Variants in FSHR observed in about 807,000 individuals in gnomAD.
The protein encoded by FSHR is follicle-stimulating hormone receptor.
Under a neutral mutation model 52.1 loss-of-function variants are expected in FSHR, and 46 were observed. The observed-to-expected ratio is 0.88, with a 90% CI of 0.70 to 1.13. FSHR has a LOEUF of 1.13. Ranked by LOEUF, FSHR falls within the 50% of genes most tolerant of loss-of-function variation. The pLI, the probability that FSHR is intolerant of heterozygous loss-of-function variation, is 0.00. For missense variants in FSHR, 964 were observed against 834.6 expected (o/e 1.16, Z -1.91); for synonymous variants, 399 against 309.6 (o/e 1.29, Z -3.03).
At chr2:48,982,408 T>C (rs1371900639) in intron 8 of FSHR, among the ~76,000 whole-genome samples, 1 of 152,166 alleles carries the variant, frequency 6.6e-6, no homozygotes, top group African/African-American at 2.4e-5. Context: ...TAGGTCTCAT[T>C]GGGTTGAAGG....
chr2:49,084,203 G>T (rs1317266313), intron 1 of FSHR, among the ~76,000 whole-genome samples: 3 of 150,984 alleles, frequency 2.0e-5, no homozygotes, highest in Non-Finnish European at 4.4e-5. Context: ...ACTCAAAACC[G>T]CTCAACTACA....
chr2:49,091,124 C>T, intron 1 of FSHR, among the ~76,000 whole-genome samples: 1 of 139,706 alleles, frequency 7.2e-6, no homozygotes, highest in East Asian at 2.5e-4. Context: ...CGATGAAGTC[C>T]AACTTACCAT....
intron 1 of FSHR, among the ~76,000 whole-genome samples, chr2:49,152,684 G>C (rs1263968982): frequency 6.6e-6 from 1 of 152,128 alleles, no homozygotes. Flanking sequence ...GGATGACACT[G>C]CTTGACCCAC....
At chr2:49,053,282 C>T (rs1281286734) in intron 2 of FSHR, among the ~76,000 whole-genome samples, 1 of 152,146 alleles carries the variant, frequency 6.6e-6, no homozygotes, top group Non-Finnish European at 1.5e-5. Flanking sequence ...TCATCATGCT[C>T]CTATTTCCAA....
intron 4 of FSHR, among the ~76,000 whole-genome samples, chr2:49,014,064 G>T (rs980915133): frequency 3.3e-5 from 5 of 152,226 alleles, no homozygotes; most frequent in South Asian, 4.1e-4. Flanking sequence ...CTGGCATCCT[G>T]ATCTTGGGCT....
chr2:49,052,729 G>T (rs771634514), intron 2 of FSHR, among the ~76,000 whole-genome samples: 2 of 152,010 alleles, frequency 1.3e-5, no homozygotes, highest in African/African-American at 2.4e-5. Context: ...TCTCCTTTTC[G>T]CTTTGAGTAA....
At chr2:49,088,192 T>C (rs1446321668) in intron 1 of FSHR, among the ~76,000 whole-genome samples, 1 of 152,138 alleles carries the variant, frequency 6.6e-6, no homozygotes, top group Non-Finnish European at 1.5e-5. Context: ...GTGTATGTGG[T>C]GCAGAGGGAT....
intron 4 of FSHR, among the ~76,000 whole-genome samples, chr2:49,003,581 G>T (rs550497652): frequency 6.6e-6 from 1 of 151,990 alleles, no homozygotes; most frequent in Non-Finnish European, 1.5e-5. Flanking sequence ...AAGAATACAC[G>T]TTATGAAAGA....
chr2:49,083,412 G>A lies in FSHR; in HGVS notation c.153-15122C>T, dbSNP rs539076374. 5.8e-3 allele frequency among the ~76,000 whole-genome samples: 884 copies of A among 151,490 alleles called. 8 individuals carry two copies. Among genetic ancestry groups the A allele is most frequent in the African/African-American group, 0.021 (850 of 41,206 alleles). On this transcript the variant is annotated intron_variant, in intron 1 of 9. Transcript: ENST00000406846. Reference sequence around the variant, plus strand: ...AATCATGCCAAATGTAAAGACCATCGAGACTAGGAAGAAACTGCATCAACT... The same window carrying A: ...AATCATGCCAAATGTAAAGACCATCAAGACTAGGAAGAAACTGCATCAACT...
At chr2:48,977,172 A>G (rs1264268744) in intron 8 of FSHR, among the ~76,000 whole-genome samples, 1 of 152,168 alleles carries the variant, frequency 6.6e-6, no homozygotes, top group African/African-American at 2.4e-5. Context: ...CTTGACTAAT[A>G]CAATGACTAT....
In FSHR at chr2:48,988,555, T is replaced by C. The variant is rs187383024; in HGVS notation, c.524+422A>G. Among the ~76,000 whole-genome samples the C allele has an allele frequency of 6.2e-4, 94 of 152,362 alleles. No individual in the cohort carries two copies. The East Asian group carries it at 0.015, about 24-fold the overall frequency. ...TTCAAGAAAATGAGAAGTCATCCTA[T>C]GCTCAGCATGGGCCTGAACAGGAAC... is the stretch of plus-strand genomic sequence containing the variant. On this transcript the variant is annotated intron_variant, in intron 6 of 9. Transcript: ENST00000406846.
intron 4 of FSHR, among the ~76,000 whole-genome samples, chr2:49,004,629 T>C (rs1262880118): frequency 1.3e-5 from 2 of 152,152 alleles, no homozygotes; most frequent in African/African-American, 2.4e-5. Context: ...TATTTTGTTA[T>C]TTTCAGTTTG....
intron 1 of FSHR, among the ~76,000 whole-genome samples, chr2:49,113,208 C>G (rs548472245): frequency 6.6e-6 from 1 of 152,124 alleles, no homozygotes; most frequent in Non-Finnish European, 1.5e-5. Flanking sequence ...CTCCAAGTCC[C>G]CAGAGCTAGT....
At chr2:49,029,545 A>C (rs144311794) in intron 2 of FSHR, among the ~76,000 whole-genome samples, 1 of 152,074 alleles carries the variant, frequency 6.6e-6, no homozygotes, top group Admixed American at 6.5e-5. Flanking sequence ...TCTGAGATCC[A>C]TTTTCCTCTG....
rs562663768 is a variant in FSHR at position 48,977,096 on chromosome 2, T to C, written c.668+5816A>G. ...TGCACATGTATCCCAGAACTTAAAA[T>C]ATAATAATAATAATAAAATCCCCTC... On this transcript the variant is annotated intron_variant, in intron 8 of 9. Coordinates refer to ENST00000406846, the MANE Select transcript of FSHR (RefSeq NM_000145.4). 2.7e-5 allele frequency among the ~76,000 whole-genome samples: 4 copies of C among 150,724 alleles called. No individual in the cohort carries two copies. The South Asian group carries it at 8.4e-4, about 31-fold the overall frequency.
At chr2:48,972,035 C>A (rs1255961841) in intron 8 of FSHR, among the ~76,000 whole-genome samples, 1 of 152,142 alleles carries the variant, frequency 6.6e-6, no homozygotes, top group African/African-American at 2.4e-5. Context: ...TGGGTTGCTT[C>A]TTTTTCTTGA....
intron 2 of FSHR, among the ~76,000 whole-genome samples, chr2:49,057,083 C>T (rs1430357941): frequency 6.6e-6 from 1 of 151,772 alleles, no homozygotes; most frequent in Non-Finnish European, 1.5e-5. Flanking sequence ...CTCAAATAAA[C>T]CAATTAACAC....
chr2:49,082,347 C>T (rs1481272383), intron 1 of FSHR, among the ~76,000 whole-genome samples: 1 of 152,170 alleles, frequency 6.6e-6, no homozygotes, highest in Non-Finnish European at 1.5e-5. Flanking sequence ...CCCATCTGTA[C>T]ATCACCATCA....
chr2:49,151,936 A>G (rs2103863821), intron 1 of FSHR, among the ~76,000 whole-genome samples: 1 of 152,146 alleles, frequency 6.6e-6, no homozygotes, highest in South Asian at 2.1e-4. Flanking sequence ...ACCTGAAATA[A>G]TTTTCCTTTT....
Sources: allele counts gnomAD v4.1 joint callset (sites outside exome capture counted in the v4.1 genomes callset), GRCh38; gene constraint gnomAD v4.1.1; transcripts MANE v1.5; gene names NCBI Gene and HGNC (gene_info 2026-07-23, HGNC 2026-07-21).